FBXL20: variants seen among roughly 807,000 people sequenced by gnomAD.
FBXL20 encodes the protein F-box/LRR-repeat protein 20.
In FBXL20, 11 loss-of-function variants were observed where a neutral mutation model predicts 64.0. That is an observed-to-expected ratio of 0.17 (90% CI 0.11 to 0.28). FBXL20 has a LOEUF of 0.28. Ranked by LOEUF, FBXL20 falls within the 10% of genes least tolerant of loss-of-function variation. FBXL20 has a pLI of 1.00. For missense variants in FBXL20, 303 were observed against 526.2 expected (o/e 0.58, Z 4.15); for synonymous variants, 184 against 189.0 (o/e 0.97, Z 0.22).
chr17:39,374,112 C>CT (rs201862828), intron 1 of FBXL20, among the ~76,000 whole-genome samples: 1 of 151,796 alleles, frequency 6.6e-6, no homozygotes, highest in African/African-American at 2.4e-5. Context: ...GTAGTCCCAG[C>CT]TACTCAGGAG....
intron 6 of FBXL20, among the ~76,000 whole-genome samples, chr17:39,293,953 C>T: frequency 6.6e-6 from 1 of 151,842 alleles, no homozygotes. Context: ...GGCTCCCCCT[C>T]CCTCTATGGC....
intron 2 of FBXL20, among the ~76,000 whole-genome samples, chr17:39,332,423 G>A (rs2047470209): frequency 6.6e-6 from 1 of 152,030 alleles, no homozygotes; most frequent in Non-Finnish European, 1.5e-5. Context: ...GCTCCTGGAG[G>A]AATTAAGTGC....
chr17:39,358,667 G>A (rs949304371), intron 1 of FBXL20, among the ~76,000 whole-genome samples: 2 of 151,662 alleles, frequency 1.3e-5, no homozygotes, highest in African/African-American at 4.9e-5. Flanking sequence ...GGGCAACAGA[G>A]TGAGACTCTG....
At chr17:39,275,598 G>C (rs979043125) in intron 9 of FBXL20, among the ~76,000 whole-genome samples, 5 of 151,382 alleles carry the variant, frequency 3.3e-5, no homozygotes, top group Admixed American at 2.0e-4. Flanking sequence ...TGTATTTTTA[G>C]TAGAGATGGG....
intron 1 of FBXL20, among the ~76,000 whole-genome samples, chr17:39,391,645 T>G (rs2048134804): frequency 6.6e-6 from 1 of 152,172 alleles, no homozygotes; most frequent in African/African-American, 2.4e-5. Flanking sequence ...ACCTTAAAGC[T>G]GTCATTGTCT....
At chr17:39,272,619 T>C (rs942110084) in intron 10 of FBXL20, among the ~76,000 whole-genome samples, 7 of 149,322 alleles carry the variant, frequency 4.7e-5, no homozygotes, top group Non-Finnish European at 1.5e-5. Flanking sequence ...CGAAAATTGC[T>C]TGAACCTGGG....
chr17:39,372,565 A>G (rs1393627168), intron 1 of FBXL20, among the ~76,000 whole-genome samples: 1 of 151,568 alleles, frequency 6.6e-6, no homozygotes, highest in Non-Finnish European at 1.5e-5. Context: ...TAAGGCAAAA[A>G]ACCTTGAAAA....
At chr17:39,335,101 CTCT>C (rs2047507565) in intron 2 of FBXL20, among the ~76,000 whole-genome samples, 1 of 152,164 alleles carries the variant, frequency 6.6e-6, no homozygotes, top group African/African-American at 2.4e-5. Context: ...GACCCTGTTT[CTCT>C]AGCTGTGCAG....
chr17:39,325,832 T>A (rs1444085205), intron 2 of FBXL20, among the ~76,000 whole-genome samples: 1 of 150,988 alleles, frequency 6.6e-6, no homozygotes, highest in East Asian at 1.9e-4. Flanking sequence ...AACTATCTGC[T>A]AAAAAAAAAT....
intron 9 of FBXL20, among the ~76,000 whole-genome samples, chr17:39,275,434 T>TA (rs1285732892): frequency 4.0e-5 from 6 of 151,790 alleles, no homozygotes; most frequent in African/African-American, 1.5e-4. Context: ...TATTTGGAGA[T>TA]AGAGTCTCAC....
At chr17:39,377,755 G>A (rs2047982132) in intron 1 of FBXL20, among the ~76,000 whole-genome samples, 1 of 152,100 alleles carries the variant, frequency 6.6e-6, no homozygotes, top group Non-Finnish European at 1.5e-5. Context: ...GCTCCCCCTA[G>A]GCCTCCCAAA....
intron 3 of FBXL20, among the ~76,000 whole-genome samples, chr17:39,301,604 T>C (rs1471699745): frequency 6.6e-6 from 1 of 152,122 alleles, no homozygotes; most frequent in Non-Finnish European, 1.5e-5. Flanking sequence ...GGCACGTGCC[T>C]GTAATCTCAG....
chr17:39,359,452 G>A (rs2047773598), intron 1 of FBXL20, among the ~76,000 whole-genome samples: 1 of 152,086 alleles, frequency 6.6e-6, no homozygotes, highest in African/African-American at 2.4e-5. Context: ...GTGAAACCCT[G>A]TCTCTACTAA....
At chr17:39,372,249 G>A (rs1287846351) in intron 1 of FBXL20, among the ~76,000 whole-genome samples, 2 of 151,880 alleles carry the variant, frequency 1.3e-5, no homozygotes, top group Admixed American at 6.6e-5. Flanking sequence ...GGCCAGGCAC[G>A]GTGGCTCACT....
rs2144698156 is a variant in FBXL20 at position 39,401,603 on chromosome 17, C to CTCG, written c.-204_-202dup. The CTCG allele has an allele frequency of 1.4e-6, 2 of 1,405,600 alleles. No homozygotes were observed. Among genetic ancestry groups the CTCG allele is most frequent in the Non-Finnish European group, 9.2e-7 (1 of 1,089,046 alleles). 87.1% of individuals were successfully genotyped at this position (1,405,600 alleles called of 1,614,324 possible). On this transcript the variant is annotated 5_prime_UTR_variant, in exon 1 of 15. Coordinates refer to ENST00000264658, the MANE Select transcript of FBXL20 (RefSeq NM_032875.3). ...GCGGCGCCGGCGGCCGCAACGACTG[C>CTCG]TCGTCGCTAGCTCGGCTCTCTCCTC...
At chr17:39,265,817 A>T (rs1352023454) in intron 12 of FBXL20, among the ~76,000 whole-genome samples, 1 of 151,536 alleles carries the variant, frequency 6.6e-6, no homozygotes, top group Non-Finnish European at 1.5e-5. Context: ...ATCACAGCTC[A>T]TTGCAGCCTC....
chr17:39,269,849 C>CT (rs1162553367), intron 11 of FBXL20, among the ~76,000 whole-genome samples: 2 of 152,158 alleles, frequency 1.3e-5, no homozygotes, highest in Non-Finnish European at 2.9e-5. Flanking sequence ...GGGCTGGGCT[C>CT]AAGCGATCTG....
chr17:39,344,610 ACC>A (rs35224153), intron 1 of FBXL20, among the ~76,000 whole-genome samples: 61 of 149,978 alleles, frequency 4.1e-4, no homozygotes, highest in African/African-American at 1.5e-3. Flanking sequence ...ACATGGCGAA[ACC>A]CCATCTCTAC....
At chr17:39,313,807 G>T (rs529633037) in intron 2 of FBXL20, among the ~76,000 whole-genome samples, 77 of 151,946 alleles carry the variant, frequency 5.1e-4, no homozygotes, top group Middle Eastern at 3.4e-3. Context: ...AGCTAATTTT[G>T]TATTTTAAGT....
Sources: gnomAD v4.1 joint callset for allele counts (sites outside exome capture counted in the v4.1 genomes callset) on GRCh38, gnomAD v4.1.1 for gene constraint, MANE v1.5 for transcripts, NCBI Gene and HGNC (gene_info 2026-07-23, HGNC 2026-07-21) for gene names.